PPP3CA: variants seen among roughly 807,000 people sequenced by gnomAD.
PPP3CA encodes the protein CAM-PRP catalytic subunit.
In PPP3CA, 14 loss-of-function variants were observed where a neutral mutation model predicts 66.5. The ratio of observed to expected loss-of-function variants is 0.21; its 90% CI spans 0.14 to 0.33. PPP3CA has a LOEUF of 0.33. PPP3CA is among the 10% of genes least tolerant of loss of function. PPP3CA has a pLI of 1.00. For missense variants in PPP3CA, 317 were observed against 639.5 expected (o/e 0.50, Z 5.44); for synonymous variants, 232 against 226.2 (o/e 1.03, Z -0.23).
At chr4:101,288,797 G>C (rs1727925325) in intron 1 of PPP3CA, among the ~76,000 whole-genome samples, 1 of 152,104 alleles carries the variant, frequency 6.6e-6, no homozygotes, top group Non-Finnish European at 1.5e-5. Context: ...TTTATATGCT[G>C]TTCTGAGGAT....
intron 1 of PPP3CA, among the ~76,000 whole-genome samples, chr4:101,292,687 G>T (rs896548383): frequency 3.3e-5 from 5 of 152,146 alleles, no homozygotes; most frequent in African/African-American, 1.2e-4. Context: ...TTAAAAGACT[G>T]ACAAACTAAA....
chr4:101,298,427 A>G (rs1327711885), intron 1 of PPP3CA, among the ~76,000 whole-genome samples: 1 of 151,452 alleles, frequency 6.6e-6, no homozygotes, highest in Non-Finnish European at 1.5e-5. Flanking sequence ...AATTTTTTTC[A>G]TTAAGTTATA....
intron 1 of PPP3CA, among the ~76,000 whole-genome samples, chr4:101,345,106 A>G (rs1729937824): frequency 6.6e-6 from 1 of 152,142 alleles, no homozygotes; most frequent in Non-Finnish European, 1.5e-5. Context: ...CTGCAGCCCT[A>G]TTTCGAATCA....
intron 2 of PPP3CA, among the ~76,000 whole-genome samples, chr4:101,162,891 T>A (rs2110308375): frequency 6.6e-6 from 1 of 152,294 alleles, no homozygotes; most frequent in African/African-American, 2.4e-5. Flanking sequence ...CACTCTTCTA[T>A]ACTCTCTCTG....
chr4:101,093,090 C>T (rs1423763638), intron 6 of PPP3CA, among the ~76,000 whole-genome samples: 1 of 152,202 alleles, frequency 6.6e-6, no homozygotes, highest in Non-Finnish European at 1.5e-5. Flanking sequence ...AAAAGCGTTC[C>T]TATTTCTCCA....
At chr4:101,333,270 GTTTTTTTTTTTTTTTTTTTTT>G (rs70961788) in intron 1 of PPP3CA, among the ~76,000 whole-genome samples, 582 of 47,234 alleles carry the variant, frequency 0.012, 1 homozygote, top group African/African-American at 0.035. Context: ...ACCATGCCCA[GTTTTTTTTTTTTTTTTTTTTT>G]TTTTTTTTTT....
At chr4:101,325,033 A>T (rs1729169003) in intron 1 of PPP3CA, among the ~76,000 whole-genome samples, 1 of 152,188 alleles carries the variant, frequency 6.6e-6, no homozygotes, top group African/African-American at 2.4e-5. Flanking sequence ...CAACAATAAC[A>T]ATACTAAGGT....
At chr4:101,245,172 C>A (rs1274815962) in intron 1 of PPP3CA, among the ~76,000 whole-genome samples, 2 of 152,128 alleles carry the variant, frequency 1.3e-5, no homozygotes, top group African/African-American at 4.8e-5. Context: ...GGCTCACAGA[C>A]TGCTTAGGAC....
At chr4:101,085,948 C>T (rs143611461) in intron 6 of PPP3CA, among the ~76,000 whole-genome samples, 7 of 152,108 alleles carry the variant, frequency 4.6e-5, no homozygotes, top group Non-Finnish European at 8.8e-5. Flanking sequence ...TGAAAAATCA[C>T]TTATTCCCCA....
chr4:101,267,394 A>G (rs773935490), intron 1 of PPP3CA, among the ~76,000 whole-genome samples: 1 of 152,168 alleles, frequency 6.6e-6, no homozygotes, highest in Non-Finnish European at 1.5e-5. Context: ...TACGCTAGGA[A>G]TTGTGTTATA....
chr4:101,274,726 C>T (rs11937437), intron 1 of PPP3CA, among the ~76,000 whole-genome samples: 99,073 of 151,910 alleles, frequency 0.65, 33,389 homozygotes, highest in Non-Finnish European at 0.75. Flanking sequence ...AGTAAAATCT[C>T]TGGGAGTTTA....
intron 1 of PPP3CA, among the ~76,000 whole-genome samples, chr4:101,335,655 G>A (rs141501991): frequency 6.6e-6 from 1 of 152,236 alleles, no homozygotes; most frequent in African/African-American, 2.4e-5. Flanking sequence ...AGAACTAAGA[G>A]CATCATGACT....
At chr4:101,243,862 T>C (rs1484142655) in intron 1 of PPP3CA, among the ~76,000 whole-genome samples, 1 of 152,196 alleles carries the variant, frequency 6.6e-6, no homozygotes, top group African/African-American at 2.4e-5. Context: ...AATTTTCTCA[T>C]TCATTGACCC....
chr4:101,289,870 ATGTGTGTGTGTG>A (rs72004461), intron 1 of PPP3CA, among the ~76,000 whole-genome samples: 2,894 of 141,820 alleles, frequency 0.02, 104 homozygotes, highest in African/African-American at 0.069. Flanking sequence ...ATGTCCGTGT[ATGTGTGTGTGTG>A]TGTGTGTGTG....
chr4:101,025,713 T>C lies in PPP3CA; in HGVS notation c.*152A>G. 3.7e-6 allele frequency: 2 copies of C among 541,984 alleles called. No individual in the cohort carries two copies. Among genetic ancestry groups the C allele is most frequent in the Non-Finnish European group, 6.1e-6 (2 of 325,462 alleles). The allele number at this position is 541,984 out of a possible 1,614,324, so 33.6% of individuals were successfully genotyped here. A position where few individuals can be genotyped will look rare whatever the true frequency, so the allele number is the denominator to read the frequency against. ...TATCTCTCTCCCTCTTTTTTAATGA[T>C]AGTGTAAACTGAATCCAATTCCTGG... On this transcript the variant is annotated 3_prime_UTR_variant, in exon 14 of 14. Transcript: ENST00000394854.
At chr4:101,310,066 C>T (rs753993356) in intron 1 of PPP3CA, among the ~76,000 whole-genome samples, 1 of 152,062 alleles carries the variant, frequency 6.6e-6, no homozygotes, top group Non-Finnish European at 1.5e-5. Context: ...TAAAATATAC[C>T]AGTTGTACTC....
chr4:101,157,883 A>C (rs999825617), intron 2 of PPP3CA, among the ~76,000 whole-genome samples: 9 of 151,650 alleles, frequency 5.9e-5, no homozygotes, highest in Middle Eastern at 3.4e-3. Flanking sequence ...AAAAAAAAAA[A>C]AAAAAACCTC....
intron 1 of PPP3CA, among the ~76,000 whole-genome samples, chr4:101,315,106 C>A (rs2110315173): frequency 6.6e-6 from 1 of 152,250 alleles, no homozygotes; most frequent in East Asian, 1.9e-4. Flanking sequence ...ATGATTGAGT[C>A]ATGAGGGCTG....
chr4:101,106,231 G>T (rs771685550), intron 3 of PPP3CA, among the ~76,000 whole-genome samples: 70 of 151,448 alleles, frequency 4.6e-4, no homozygotes, highest in Non-Finnish European at 9.6e-4. Context: ...TAAGGCGGGA[G>T]GATCACTTGA....
Sources: allele counts gnomAD v4.1 joint callset (sites outside exome capture counted in the v4.1 genomes callset), GRCh38; gene constraint gnomAD v4.1.1; transcripts MANE v1.5; gene names NCBI Gene and HGNC (gene_info 2026-07-23, HGNC 2026-07-21).